Variants in ROR1 observed in about 807,000 individuals in gnomAD.
The protein encoded by ROR1 is ROR family WNT receptor 1.
ROR1 carries 19 observed loss-of-function variants against 78.8 expected under a neutral mutation model. The ratio of observed to expected loss-of-function variants is 0.24; its 90% CI spans 0.17 to 0.35. The LOEUF is 0.35. Ranked by LOEUF, ROR1 falls within the 10% of genes least tolerant of loss-of-function variation. The probability of loss-of-function intolerance (pLI) is 1.00; values close to 1 mark genes in which losing one functional copy is unlikely to be tolerated. For synonymous variants in ROR1, 386 were observed against 433.6 expected (o/e 0.89, Z 1.36); for missense variants, 917 against 1,177.8 (o/e 0.78, Z 3.24).
intron 4 of ROR1, among the ~76,000 whole-genome samples, chr1:64,056,006 C>T (rs564033723): frequency 1.6e-4 from 24 of 152,290 alleles, no homozygotes; most frequent in South Asian, 8.3e-4. Flanking sequence ...TAGCATGCAT[C>T]GGTGCTTCAT....
At chr1:63,845,538 TCTG>T (rs1390104964) in intron 1 of ROR1, among the ~76,000 whole-genome samples, 2 of 152,178 alleles carry the variant, frequency 1.3e-5, no homozygotes, top group African/African-American at 4.8e-5. Flanking sequence ...CATCTGGCAA[TCTG>T]CTTTCTTCTC....
intron 4 of ROR1, among the ~76,000 whole-genome samples, chr1:64,112,915 T>C (rs761142702): frequency 2.0e-5 from 3 of 152,206 alleles, no homozygotes; most frequent in Non-Finnish European, 4.4e-5. Flanking sequence ...CCTGCCAGCA[T>C]TCCCTATTTC....
At chr1:64,026,273 A>G (rs2100562855) in intron 2 of ROR1, among the ~76,000 whole-genome samples, 1 of 152,310 alleles carries the variant, frequency 6.6e-6, no homozygotes, top group East Asian at 1.9e-4. Context: ...GGCTTTGGGT[A>G]AATTACTTGA....
chr1:63,973,073 A>T (rs1252311192), intron 1 of ROR1, among the ~76,000 whole-genome samples: 1 of 152,110 alleles, frequency 6.6e-6, no homozygotes, highest in Non-Finnish European at 1.5e-5. Context: ...GTTAGCCCCC[A>T]TGTGGGTCTC....
intron 1 of ROR1, among the ~76,000 whole-genome samples, chr1:63,799,289 C>T (rs913074913): frequency 2.0e-5 from 3 of 152,190 alleles, no homozygotes; most frequent in Non-Finnish European, 2.9e-5. Flanking sequence ...TTCAATGGCT[C>T]CCCATTGCCA....
intron 1 of ROR1, among the ~76,000 whole-genome samples, chr1:63,936,075 G>A (rs1329203888): frequency 6.6e-6 from 1 of 152,192 alleles, no homozygotes; most frequent in Non-Finnish European, 1.5e-5. Flanking sequence ...GCATCCCAGT[G>A]GCATTACCTG....
At chr1:63,883,655 G>A (rs904885717) in intron 1 of ROR1, among the ~76,000 whole-genome samples, 2 of 152,132 alleles carry the variant, frequency 1.3e-5, no homozygotes, top group African/African-American at 2.4e-5. Flanking sequence ...TGGCTGATTG[G>A]CATCCTCTGC....
At chr1:63,826,581 T>A (rs1557515388) in intron 1 of ROR1, among the ~76,000 whole-genome samples, 3 of 152,156 alleles carry the variant, frequency 2.0e-5, no homozygotes, top group Admixed American at 1.3e-4. Context: ...TATAATAGAA[T>A]GATTTCTATT....
intron 1 of ROR1, among the ~76,000 whole-genome samples, chr1:63,972,533 G>A (rs1027157342): frequency 6.6e-6 from 1 of 152,116 alleles, no homozygotes; most frequent in Non-Finnish European, 1.5e-5. Context: ...GTGTTAGTTA[G>A]GTCTTGGGTA....
intron 4 of ROR1, among the ~76,000 whole-genome samples, chr1:64,123,772 T>C (rs1385521053): frequency 2.0e-5 from 3 of 152,164 alleles, no homozygotes; most frequent in Admixed American, 6.5e-5. Flanking sequence ...TCCCCATTGA[T>C]GGTAGAAATA....
chr1:63,774,503 C>T lies in ROR1; in HGVS notation c.86C>T (p.Ala29Val). The change falls in exon 1 of 9, where the codon GCC becomes GTC. Residue 29 changes from alanine to valine, a missense_variant. Physicochemically the swap from Ala to Val is moderately conservative, Grantham distance 64. Transcript: ENST00000371079. The surrounding 1 kb of genome is among the most constrained non-coding windows in gnomAD (Gnocchi z 5.7). ...CTGCTGGCCGCACGCGGGGCTGCTGCCCAAGGTAAGAGGCGCCCGCCGGCC... is the reference window on the plus strand; with the variant it reads ...CTGCTGGCCGCACGCGGGGCTGCTGTCCAAGGTAAGAGGCGCCCGCCGGCC... The part of the protein sequence containing the change: ...ALLLAARGAA[A>V]QETELSVSAE... The T allele has an allele frequency of 1.8e-6, 2 of 1,137,490 alleles. No homozygotes were observed. The highest frequency in any genetic ancestry group is 2.1e-6 in the Non-Finnish European group (2 of 931,704). The allele number at this position is 1,137,490 out of a possible 1,614,324, so 70.5% of individuals were successfully genotyped here. A position where few individuals can be genotyped will look rare whatever the true frequency, so the allele number is the denominator to read the frequency against.
chr1:63,919,672 G>T (rs1645638665), intron 1 of ROR1, among the ~76,000 whole-genome samples: 1 of 152,082 alleles, frequency 6.6e-6, no homozygotes, highest in African/African-American at 2.4e-5. Flanking sequence ...TTCTGACCTT[G>T]AGTAAATTAC....
chr1:64,117,282 C>T (rs1326502719), intron 4 of ROR1, among the ~76,000 whole-genome samples: 1 of 152,102 alleles, frequency 6.6e-6, no homozygotes. Flanking sequence ...CCTCATTTTC[C>T]TCATCTTTGA....
Position 63,923,069 on chromosome 1 carries a change from G to A in ROR1, c.92-86236G>A, listed in dbSNP as rs575152706. Among the ~76,000 whole-genome samples, 25 of 152,268 alleles carry A rather than the reference G, an allele frequency of 1.6e-4. No homozygotes were observed. In the South Asian group the frequency reaches 2.9e-3, roughly 18 times the overall value. ...GCCCTGTCACATCCCATCATGTCAC[G>A]GGGCATGTGAGATCACGGGGCTGAA... On this transcript the variant is annotated intron_variant, in intron 1 of 8. Coordinates refer to ENST00000371079, the MANE Select transcript of ROR1 (RefSeq NM_005012.4).
At chr1:64,069,573 G>A (rs1052265482) in intron 4 of ROR1, among the ~76,000 whole-genome samples, 1 of 152,008 alleles carries the variant, frequency 6.6e-6, no homozygotes, top group African/African-American at 2.4e-5. Flanking sequence ...GGTGATCATC[G>A]TGATTAAAGA....
intron 1 of ROR1, among the ~76,000 whole-genome samples, chr1:63,811,341 T>A (rs928247339): frequency 2.6e-5 from 4 of 152,192 alleles, no homozygotes; most frequent in African/African-American, 9.7e-5. Flanking sequence ...GAGGAGTTAA[T>A]GATCAGTGCC....
chr1:63,799,643 GT>G (rs58126335), intron 1 of ROR1, among the ~76,000 whole-genome samples: 50,070 of 147,362 alleles, frequency 0.34, 11,850 homozygotes, highest in African/African-American at 0.68. Flanking sequence ...TTCCTCTCCT[GT>G]TTTTTTTTTT....
At chr1:63,996,946 T>C (rs890427054) in intron 1 of ROR1, among the ~76,000 whole-genome samples, 2 of 152,178 alleles carry the variant, frequency 1.3e-5, no homozygotes, top group Non-Finnish European at 2.9e-5. Flanking sequence ...AGGGTATGAT[T>C]ATCTCAGGCC....
At chr1:63,827,727 C>T (rs920146317) in intron 1 of ROR1, among the ~76,000 whole-genome samples, 3 of 152,080 alleles carry the variant, frequency 2.0e-5, no homozygotes, top group Admixed American at 1.3e-4. Flanking sequence ...GTTTGGCTTC[C>T]GAGGGGAGAG....
Sources: allele counts gnomAD v4.1 joint callset (sites outside exome capture counted in the v4.1 genomes callset), GRCh38; gene constraint gnomAD v4.1.1; non-coding constraint Gnocchi (gnomAD v3.1); transcripts MANE v1.5; gene names NCBI Gene and HGNC (gene_info 2026-07-23, HGNC 2026-07-21).